PTPN4: variants seen among roughly 807,000 people sequenced by gnomAD.
The protein encoded by PTPN4 is tyrosine-protein phosphatase non-receptor type 4.
A neutral mutation model predicts 135.5 loss-of-function variants in PTPN4; 49 were observed. The observed-to-expected ratio is 0.36, with a 90% CI of 0.29 to 0.46. The LOEUF (loss-of-function observed/expected upper bound fraction) is 0.46. PTPN4 is among the 20% of genes least tolerant of loss of function. The probability of loss-of-function intolerance (pLI) is 1.00; values close to 1 mark genes in which losing one functional copy is unlikely to be tolerated. For synonymous variants in PTPN4, 333 were observed against 369.9 expected (o/e 0.90, Z 1.14); for missense variants, 860 against 1,101.0 (o/e 0.78, Z 3.10).
intron 12 of PTPN4, among the ~76,000 whole-genome samples, chr2:119,921,056 G>A (rs573873667): frequency 1.1e-4 from 16 of 152,142 alleles, no homozygotes; most frequent in African/African-American, 3.9e-4. Context: ...CGAGGCAGGC[G>A]GATCACCAGA....
intron 2 of PTPN4, among the ~76,000 whole-genome samples, chr2:119,837,113 G>A (rs78707305): frequency 0.023 from 3,531 of 152,278 alleles, 128 homozygotes; most frequent in African/African-American, 0.077. Context: ...AGCCTGGAGG[G>A]GGATAACTTA....
intron 9 of PTPN4, among the ~76,000 whole-genome samples, chr2:119,892,480 GACAA>G (rs952963708): frequency 2.2e-4 from 33 of 152,236 alleles, no homozygotes; most frequent in African/African-American, 7.7e-4. Flanking sequence ...GGGGAATTAA[GACAA>G]ACAAATGAGG....
intron 22 of PTPN4, among the ~76,000 whole-genome samples, chr2:119,959,841 A>G (rs900606902): frequency 6.6e-6 from 1 of 152,170 alleles, no homozygotes; most frequent in African/African-American, 2.4e-5. Context: ...AGGTTGGGGC[A>G]AGTTTACAGA....
intron 2 of PTPN4, among the ~76,000 whole-genome samples, chr2:119,856,744 TC>T (rs1178966903): frequency 6.6e-6 from 1 of 152,160 alleles, no homozygotes; most frequent in Non-Finnish European, 1.5e-5. Context: ...CATGTTTACT[TC>T]CTGTTAGTAA....
At chr2:119,964,483 G>T (rs115240416) in intron 24 of PTPN4, among the ~76,000 whole-genome samples, 3,156 of 152,132 alleles carry the variant, frequency 0.021, 47 homozygotes, top group Middle Eastern at 0.054. Context: ...TTATTTTTCT[G>T]ATTTCCATAA....
intron 26 of PTPN4, among the ~76,000 whole-genome samples, chr2:119,969,228 G>A (rs1009666739): frequency 6.6e-6 from 1 of 152,032 alleles, no homozygotes; most frequent in African/African-American, 2.4e-5. Flanking sequence ...GCTTAGGCTG[G>A]TCTTGAACTC....
At chr2:119,832,076 CT>C in intron 2 of PTPN4, among the ~76,000 whole-genome samples, 1 of 152,250 alleles carries the variant, frequency 6.6e-6, no homozygotes, top group African/African-American at 2.4e-5. Context: ...GCTTGTGGGT[CT>C]CTTATTGTAT....
intron 2 of PTPN4, among the ~76,000 whole-genome samples, chr2:119,818,451 A>T (rs921432054): frequency 1.1e-4 from 17 of 152,180 alleles, no homozygotes; most frequent in Non-Finnish European, 1.6e-4. Flanking sequence ...GGTTTTTTAC[A>T]TTTTTAAAGG....
chr2:119,951,657 T>C (rs1679213550), intron 18 of PTPN4, among the ~76,000 whole-genome samples: 3 of 152,226 alleles, frequency 2.0e-5, no homozygotes, highest in Admixed American at 6.5e-5. Flanking sequence ...TAAATCATGG[T>C]AACTGAAGTT....
chr2:119,811,828 A>G (rs567153180), intron 2 of PTPN4, among the ~76,000 whole-genome samples: 2 of 152,060 alleles, frequency 1.3e-5, no homozygotes, highest in Non-Finnish European at 2.9e-5. Context: ...TTTTCAGTGT[A>G]GTAATCAATG....
rs1341179572 is a variant in PTPN4 at position 119,915,175 on chromosome 2, C to T, written c.765-4C>T. The T allele has an allele frequency of 2.6e-6, 4 of 1,518,558 alleles. No individual in the cohort carries two copies. Among genetic ancestry groups the T allele is most frequent in the Non-Finnish European group, 3.5e-6 (4 of 1,134,490 alleles). The allele number at this position is 1,518,558 out of a possible 1,614,324, so 94.1% of individuals were successfully genotyped here. A position where few individuals can be genotyped will look rare whatever the true frequency, so the allele number is the denominator to read the frequency against. Reference sequence around the variant, plus strand: ...CTTTGAATAATTTATTGTCTTTTGTCCAGGTTGAAGATTGTAAAAATTTCT... The same window carrying T: ...CTTTGAATAATTTATTGTCTTTTGTTCAGGTTGAAGATTGTAAAAATTTCT... On this transcript the variant is annotated splice_polypyrimidine_tract_variant and splice_region_variant and intron_variant, in intron 10 of 26. Transcript: ENST00000263708.
intron 15 of PTPN4, among the ~76,000 whole-genome samples, chr2:119,937,161 A>T (rs972621975): frequency 6.6e-6 from 1 of 152,232 alleles, no homozygotes; most frequent in Non-Finnish European, 1.5e-5. Context: ...AGAACTTTGT[A>T]TCCCCAACAA....
chr2:119,934,221 A>G (rs1678949088), intron 14 of PTPN4, among the ~76,000 whole-genome samples: 1 of 152,180 alleles, frequency 6.6e-6, no homozygotes, highest in South Asian at 2.1e-4. Flanking sequence ...TTTCTCATCT[A>G]CAAAATTATA....
chr2:119,910,008 G>A (rs1450492023), intron 10 of PTPN4, among the ~76,000 whole-genome samples: 3 of 152,160 alleles, frequency 2.0e-5, no homozygotes, highest in African/African-American at 7.2e-5. Context: ...TACTATTGGT[G>A]AAGATGCTGT....
chr2:119,802,590 T>C (rs1288479069), intron 1 of PTPN4, among the ~76,000 whole-genome samples: 1 of 152,220 alleles, frequency 6.6e-6, no homozygotes, highest in Non-Finnish European at 1.5e-5. Flanking sequence ...GGTATGTAAT[T>C]CTTTTTACAT....
chr2:119,776,750 ATTTTCT>A (rs1318952948), intron 1 of PTPN4, among the ~76,000 whole-genome samples: 3 of 152,170 alleles, frequency 2.0e-5, no homozygotes, highest in African/African-American at 4.8e-5. Flanking sequence ...GATTCTTAAC[ATTTTCT>A]TTAGCTTTAT....
chr2:119,841,236 G>T (rs1347826607), intron 2 of PTPN4, among the ~76,000 whole-genome samples: 1 of 152,084 alleles, frequency 6.6e-6, no homozygotes, highest in Non-Finnish European at 1.5e-5. Flanking sequence ...GGGTTTGAAA[G>T]TGTAAAATAC....
At chr2:119,920,986 A>G (rs1678728030) in intron 12 of PTPN4, among the ~76,000 whole-genome samples, 1 of 152,186 alleles carries the variant, frequency 6.6e-6, no homozygotes, top group African/African-American at 2.4e-5. Flanking sequence ...CATCTTTGAT[A>G]AATAAAACCC....
intron 2 of PTPN4, among the ~76,000 whole-genome samples, chr2:119,850,338 C>A (rs1267007571): frequency 6.6e-6 from 1 of 152,162 alleles, no homozygotes; most frequent in Non-Finnish European, 1.5e-5. Context: ...GGAATTTCTG[C>A]CCTATGAGTA....
Sources: allele counts gnomAD v4.1 joint callset (sites outside exome capture counted in the v4.1 genomes callset), GRCh38; gene constraint gnomAD v4.1.1; transcripts MANE v1.5; gene names NCBI Gene and HGNC (gene_info 2026-07-23, HGNC 2026-07-21).